The following GBA1 variants were observed in gnomAD, a reference collection of about 807,000 sequenced individuals.
The protein encoded by GBA1 is glucosylceramidase beta 1, also known as lysosomal acid glucosylceramidase.
the GBA1 span, among the ~76,000 whole-genome samples, chr1:155,242,619 A>T: frequency 7.0e-6 from 1 of 142,150 alleles, no homozygotes; most frequent in South Asian, 2.2e-4. Context: ...TCCTCCAGTA[A>T]TTTTTTTTTT....
chr1:155,237,278 G>A, the GBA1 span: 1 of 1,613,036 alleles, frequency 6.2e-7, no homozygotes, highest in Non-Finnish European at 8.5e-7. Flanking sequence ...CTAAGTTTGG[G>A]AGCCAGTCAT....
chr1:155,238,161 T>C, the GBA1 span: 1 of 1,614,128 alleles, frequency 6.2e-7, no homozygotes, highest in East Asian at 2.2e-5. Context: ...CCAGGTCTGG[T>C]GGTAGATGTC....
the GBA1 span, chr1:155,240,378 C>A: frequency 1.5e-4 from 89 of 604,440 alleles, no homozygotes; most frequent in Admixed American, 2.9e-4. Context: ...GCAAGAGAAT[C>A]GCTTGAATCT....
the GBA1 span, among the ~76,000 whole-genome samples, chr1:155,242,388 A>C: frequency 6.6e-6 from 1 of 151,848 alleles, no homozygotes; most frequent in East Asian, 1.9e-4. Context: ...ATGCTCAGCT[A>C]ATTTTTTTAT....
the GBA1 span, among the ~76,000 whole-genome samples, chr1:155,243,266 A>G: frequency 6.6e-6 from 1 of 152,200 alleles, no homozygotes; most frequent in African/African-American, 2.4e-5. Flanking sequence ...CTTTTCAAGG[A>G]AACATTGCAC....
At chr1:155,243,354 G>A in the GBA1 span, among the ~76,000 whole-genome samples, 1 of 152,172 alleles carries the variant, frequency 6.6e-6, no homozygotes, top group Non-Finnish European at 1.5e-5. Flanking sequence ...GATATTTCCT[G>A]AGCACATTCT....
chr1:155,243,536 G>A, the GBA1 span, among the ~76,000 whole-genome samples: 1 of 152,004 alleles, frequency 6.6e-6, no homozygotes, highest in Non-Finnish European at 1.5e-5. Flanking sequence ...GCTTGATTTC[G>A]GCTCAGTGCA....
At chr1:155,240,948 C>T in the GBA1 span, 13 of 876,600 alleles carry the variant, frequency 1.5e-5, no homozygotes, top group East Asian at 1.0e-4. Flanking sequence ...ATTTCAACTT[C>T]GACCCCTCCC....
chr1:155,241,642 A>T, the GBA1 span, among the ~76,000 whole-genome samples: 1 of 152,344 alleles, frequency 6.6e-6, no homozygotes, highest in South Asian at 2.1e-4. Flanking sequence ...GAAGTCAGAC[A>T]CACAGATATT....
the GBA1 span, among the ~76,000 whole-genome samples, chr1:155,237,139 G>A: frequency 6.6e-6 from 1 of 152,108 alleles, no homozygotes; most frequent in African/African-American, 2.4e-5. Context: ...CAAAGTGCTG[G>A]GTTTGCATGA....
the GBA1 span, chr1:155,236,190 A>G: frequency 6.9e-6 from 10 of 1,457,960 alleles, no homozygotes; most frequent in East Asian, 9.3e-5. Context: ...TCTTTGGTGA[A>G]ACTAGTAAGA....
the GBA1 span, among the ~76,000 whole-genome samples, chr1:155,241,862 C>G: frequency 6.6e-6 from 1 of 152,210 alleles, no homozygotes; most frequent in African/African-American, 2.4e-5. Context: ...TGCGGCTCCT[C>G]TGCAGCGTCC....
the GBA1 span, chr1:155,240,788 C>G: frequency 2.2e-6 from 3 of 1,349,436 alleles, no homozygotes; most frequent in Admixed American, 5.0e-5. Context: ...CTGGGCAGGG[C>G]TTAGCTGCCT....
chr1:155,238,656 G>A, the GBA1 span: 2 of 1,613,618 alleles, frequency 1.2e-6, no homozygotes, highest in African/African-American at 1.3e-5. Flanking sequence ...GATTCCTACA[G>A]AAAAGGATGA....
the GBA1 span, among the ~76,000 whole-genome samples, chr1:155,237,731 G>A: frequency 6.6e-5 from 10 of 151,882 alleles, no homozygotes; most frequent in Non-Finnish European, 1.2e-4. Context: ...GCGAAACCCC[G>A]TCTCTACTAA....
chr1:155,238,434 G>A, the GBA1 span: 9 of 1,253,054 alleles, frequency 7.2e-6, no homozygotes, highest in African/African-American at 1.5e-4. Flanking sequence ...GGGACAAAAT[G>A]TCTGTACAAG....
At chr1:155,243,186 G>T in the GBA1 span, among the ~76,000 whole-genome samples, 1 of 152,218 alleles carries the variant, frequency 6.6e-6, no homozygotes, top group African/African-American at 2.4e-5. Context: ...TGGCACAGGG[G>T]TAGCTGTCAA....
the GBA1 span, chr1:155,240,867 C>T: frequency 2.4e-6 from 2 of 836,552 alleles, no homozygotes; most frequent in Admixed American, 1.9e-5. Flanking sequence ...GTGCAGCTCT[C>T]CCTGCAACCC....
the GBA1 span, chr1:155,236,109 T>A: frequency 2.6e-4 from 222 of 839,622 alleles, 2 homozygotes; most frequent in African/African-American, 3.3e-3. Flanking sequence ...AGATAGGGAA[T>A]CATGGTTCCC....
Sources: allele counts gnomAD v4.1 joint callset (sites outside exome capture counted in the v4.1 genomes callset), GRCh38; gene constraint gnomAD v4.1.1; transcripts MANE v1.5; gene names NCBI Gene and HGNC (gene_info 2026-07-23, HGNC 2026-07-21).